The following ROBO1 variants were observed in gnomAD, a reference collection of about 807,000 sequenced individuals.
ROBO1 encodes roundabout guidance receptor 1.
A neutral mutation model predicts 195.9 loss-of-function variants in ROBO1; 149 were observed. The observed-to-expected ratio is 0.76, with a 90% CI of 0.67 to 0.87. ROBO1 has a LOEUF of 0.87. Ranked by LOEUF, ROBO1 falls within the 40% of genes least tolerant of loss-of-function variation. The probability of loss-of-function intolerance (pLI) is 0.00; values close to 1 mark genes in which losing one functional copy is unlikely to be tolerated. For missense variants in ROBO1, 1,933 were observed against 2,068.3 expected (o/e 0.93, Z 1.27); for synonymous variants, 816 against 733.2 (o/e 1.11, Z -1.82).
At chr3:79,265,883 A>G (rs1267078336) in intron 2 of ROBO1, among the ~76,000 whole-genome samples, 1 of 151,470 alleles carries the variant, frequency 6.6e-6, no homozygotes, top group Non-Finnish European at 1.5e-5. Flanking sequence ...ATTGAAGATT[A>G]ATATTGTAAA....
intron 4 of ROBO1, among the ~76,000 whole-genome samples, chr3:78,844,333 C>G (rs914456220): frequency 6.6e-6 from 1 of 152,026 alleles, no homozygotes; most frequent in Non-Finnish European, 1.5e-5. Flanking sequence ...CTTTACCTGT[C>G]TGCAATTATT....
At chr3:78,633,637 C>A (rs1047399065) in intron 24 of ROBO1, among the ~76,000 whole-genome samples, 1 of 152,204 alleles carries the variant, frequency 6.6e-6, no homozygotes, top group African/African-American at 2.4e-5. Context: ...TTTTGGCCAA[C>A]GGGGAAAAAG....
At chr3:79,018,697 C>G in intron 3 of ROBO1, 1 of 1,344,234 alleles carries the variant, frequency 7.4e-7, no homozygotes, top group Admixed American at 3.0e-5. Flanking sequence ...CCAGGATTTC[C>G]GAGGAGGCTC....
chr3:79,537,159 C>T (rs1342029074), intron 2 of ROBO1, among the ~76,000 whole-genome samples: 1 of 151,026 alleles, frequency 6.6e-6, no homozygotes, highest in Non-Finnish European at 1.5e-5. Flanking sequence ...TACAGAGAAC[C>T]TGAGAGATTA....
intron 2 of ROBO1, among the ~76,000 whole-genome samples, chr3:79,384,756 A>G (rs2036681153): frequency 6.6e-6 from 1 of 152,064 alleles, no homozygotes; most frequent in South Asian, 2.1e-4. Context: ...ATAAGCACAC[A>G]CACGTTTTTA....
rs527711537 is a variant in ROBO1 at position 78,985,650 on chromosome 3, C to T, written c.173-46723G>A. Among the ~76,000 whole-genome samples the T allele has an allele frequency of 1.6e-4, 25 of 152,230 alleles. 1 individual carries two copies. The South Asian group carries it at 5.2e-3, about 32-fold the overall frequency. On this transcript the variant is annotated intron_variant, in intron 3 of 30. Transcript: ENST00000464233. ...ACAGGCTATTTAGCGGCATCCTTGG[C>T]CTCTACTCACGAGATCCTGGTGGCA...
chr3:78,652,310 T>C (rs1706716477), intron 18 of ROBO1, among the ~76,000 whole-genome samples: 1 of 151,978 alleles, frequency 6.6e-6, no homozygotes, highest in Admixed American at 6.6e-5. Context: ...CACACACAAA[T>C]AATACATGTA....
At chr3:78,627,667 C>A (rs1463199125) in intron 25 of ROBO1, 98 bp from the exon 26 acceptor site, 21 of 1,294,846 alleles carry the variant, frequency 1.6e-5, no homozygotes, top group Non-Finnish European at 2.2e-5. Flanking sequence ...TTTTTCAAAT[C>A]TGAACGTTCT....
chr3:79,114,716 T>C (rs1427937891), intron 3 of ROBO1, among the ~76,000 whole-genome samples: 1 of 152,172 alleles, frequency 6.6e-6, no homozygotes, highest in East Asian at 1.9e-4. Flanking sequence ...GAAAGACAAG[T>C]GGCTGCTTTT....
intron 3 of ROBO1, among the ~76,000 whole-genome samples, chr3:78,969,861 A>T (rs1009105950): frequency 5.3e-5 from 8 of 152,326 alleles, no homozygotes; most frequent in South Asian, 2.1e-4. Flanking sequence ...TTTTGCAGAC[A>T]GTTAAATTAC....
At chr3:79,300,176 C>A (rs1054806326) in intron 2 of ROBO1, among the ~76,000 whole-genome samples, 1 of 152,206 alleles carries the variant, frequency 6.6e-6, no homozygotes, top group Non-Finnish European at 1.5e-5. Flanking sequence ...CCTGGGCTGG[C>A]CAAGGCCGAG....
intron 4 of ROBO1, 112 bp from the exon 5 acceptor site, chr3:78,747,012 C>T: frequency 1.7e-6 from 1 of 587,928 alleles, no homozygotes; most frequent in Non-Finnish European, 2.6e-6. Context: ...ACTAATAGCT[C>T]TTGCAATACA....
intron 4 of ROBO1, among the ~76,000 whole-genome samples, chr3:78,862,536 AAATTTGTGGC>A (rs1362103433): frequency 8.5e-5 from 13 of 152,176 alleles, no homozygotes; most frequent in African/African-American, 3.1e-4. Context: ...TCAAACTGCT[AAATTTGTGGC>A]AATTTGTGAA....
At chr3:79,555,065 T>C (rs7631368) in intron 2 of ROBO1, among the ~76,000 whole-genome samples, 36,267 of 151,890 alleles carry the variant, frequency 0.24, 4,901 homozygotes, top group African/African-American at 0.36. Flanking sequence ...GAAAAGAAAA[T>C]GAAAACACTA....
chr3:78,917,721 T>G (rs2038698864), intron 4 of ROBO1, among the ~76,000 whole-genome samples: 1 of 152,172 alleles, frequency 6.6e-6, no homozygotes, highest in African/African-American at 2.4e-5. Flanking sequence ...CATGTCCCAG[T>G]AAGATAATTT....
At chr3:79,406,804 T>C (rs539101351) in intron 2 of ROBO1, among the ~76,000 whole-genome samples, 1 of 152,314 alleles carries the variant, frequency 6.6e-6, no homozygotes, top group East Asian at 1.9e-4. Context: ...AATTCTTTTT[T>C]CTTCACATAT....
intron 4 of ROBO1, among the ~76,000 whole-genome samples, chr3:78,753,590 T>C (rs907685543): frequency 6.6e-6 from 1 of 152,144 alleles, no homozygotes; most frequent in African/African-American, 2.4e-5. Flanking sequence ...TAGGTATACA[T>C]GTGCCATGGT....
chr3:79,233,316 A>G (rs942725094), intron 2 of ROBO1, among the ~76,000 whole-genome samples: 1 of 152,074 alleles, frequency 6.6e-6, no homozygotes, highest in African/African-American at 2.4e-5. Context: ...TGTTAATGAC[A>G]AAGGAATTGT....
intron 2 of ROBO1, among the ~76,000 whole-genome samples, chr3:79,304,076 T>C (rs1196625341): frequency 6.6e-6 from 1 of 152,200 alleles, no homozygotes; most frequent in Non-Finnish European, 1.5e-5. Context: ...AACTGTAATT[T>C]TAGATGGAAA....
Sources: gnomAD v4.1 joint callset for allele counts (sites outside exome capture counted in the v4.1 genomes callset) on GRCh38, gnomAD v4.1.1 for gene constraint, MANE v1.5 for transcripts, NCBI Gene and HGNC (gene_info 2026-07-23, HGNC 2026-07-21) for gene names.